Variants in PIK3C2G observed in about 807,000 individuals in gnomAD.
The protein encoded by PIK3C2G is phosphatidylinositol 3-kinase C2 domain-containing subunit gamma.
PIK3C2G carries 168 observed loss-of-function variants against 181.1 expected under a neutral mutation model. That is an observed-to-expected ratio of 0.93 (90% confidence interval 0.82 to 1.05). The LOEUF is 1.05. Ranked by LOEUF, PIK3C2G falls within the 50% of genes least tolerant of loss-of-function variation. The pLI is 0.00. For missense variants in PIK3C2G, 1,869 were observed against 1,732.8 expected, an observed-to-expected ratio of 1.08 and a Z score of -1.40; for synonymous variants, 573 against 592.2, an observed-to-expected ratio of 0.97 and a Z score of 0.47.
intron 16 of PIK3C2G, among the ~76,000 whole-genome samples, chr12:18,412,208 A>T: frequency 6.6e-6 from 1 of 152,148 alleles, no homozygotes; most frequent in Admixed American, 6.6e-5. Flanking sequence ...GAGAAAACAC[A>T]GGCTGAGAAA....
chr12:18,263,262 A>T (rs1398848429), intron 1 of PIK3C2G, among the ~76,000 whole-genome samples: 1 of 152,068 alleles, frequency 6.6e-6, no homozygotes, highest in Non-Finnish European at 1.5e-5. Context: ...TCTGTAAGTT[A>T]TCTTATTTTT....
chr12:18,649,459 A>G (rs915637340), downstream of PIK3C2G, among the ~76,000 whole-genome samples: 3 of 152,128 alleles, frequency 2.0e-5, no homozygotes, highest in Non-Finnish European at 2.9e-5. Context: ...CTAATGGATA[A>G]TTCTGGACAC....
chr12:18,340,686 A>G (rs983847756), intron 9 of PIK3C2G, among the ~76,000 whole-genome samples: 1 of 152,218 alleles, frequency 6.6e-6, no homozygotes, highest in Admixed American at 6.5e-5. Context: ...TCCTGTGGAA[A>G]ACTAATTCAC....
intron 18 of PIK3C2G, among the ~76,000 whole-genome samples, chr12:18,437,782 C>T (rs1449081644): frequency 6.6e-6 from 1 of 151,858 alleles, no homozygotes; most frequent in Non-Finnish European, 1.5e-5. Flanking sequence ...GAAAATTACA[C>T]AAGACAGTCT....
At chr12:18,375,671 T>C (rs1942384348) in intron 13 of PIK3C2G, among the ~76,000 whole-genome samples, 3 of 151,854 alleles carry the variant, frequency 2.0e-5, no homozygotes, top group Non-Finnish European at 1.5e-5. Context: ...GCCAAGAAAA[T>C]GTGAAAAAGG....
At position 18,375,770 on chromosome 12, in the gene PIK3C2G, C is replaced by G. The variant is rs191541224; in HGVS notation, c.1880+4459C>G. On this transcript the variant is annotated intron_variant, in intron 13 of 32. Transcript: ENST00000538779. ...GGAAAGAATGGTTTCTGGGGCCAGG[C>G]CCAGGGGCTTGCTGCCCTGTGCAGC... 4.6e-5 allele frequency among the ~76,000 whole-genome samples: 7 copies of G among 152,306 alleles called. No individual in the cohort carries two copies. The East Asian group carries it at 1.4e-3, about 29-fold the overall frequency.
At chr12:18,726,483 A>G in the PIK3C2G span, among the ~76,000 whole-genome samples, 10 of 152,254 alleles carry the variant, frequency 6.6e-5, no homozygotes, top group African/African-American at 2.2e-4. Context: ...TTTATTCCCA[A>G]TGCCTACTAC....
intron 2 of PIK3C2G, 114 bp from the exon 3 acceptor site, chr12:18,286,733 T>TA (rs1949461566): frequency 3.0e-5 from 18 of 600,344 alleles, no homozygotes; most frequent in Admixed American, 7.0e-5. Flanking sequence ...TTAAAAAATC[T>TA]AAAAAAAATT....
At position 18,509,411 on chromosome 12, in the gene PIK3C2G, A is replaced by C. The variant is rs374023131; in HGVS notation, c.3323+3950A>C. On this transcript the variant is annotated intron_variant, in intron 24 of 32. Coordinates refer to ENST00000538779, the MANE Select transcript of PIK3C2G (RefSeq NM_001288772.2). ...TATTAACTAACACAGCAAAGAGGTGATATAAGAAGGATCTTGAGAAAAAAA... is the reference window on the plus strand; with the variant it reads ...TATTAACTAACACAGCAAAGAGGTGCTATAAGAAGGATCTTGAGAAAAAAA... Among the ~76,000 whole-genome samples the C allele has an allele frequency of 9.8e-5, 15 of 152,336 alleles. No individual in the cohort carries two copies. The East Asian group carries it at 1.2e-3, about 12-fold the overall frequency.
chr12:18,695,840 C>A, the PIK3C2G span, among the ~76,000 whole-genome samples: 22,136 of 152,056 alleles, frequency 0.15, 1,718 homozygotes, highest in Middle Eastern at 0.18. Flanking sequence ...ATACCTCAAG[C>A]AAAGGAATTT....
rs929106880 is a variant in PIK3C2G, at chr12:18,470,841, A to G, written c.2505-17608A>G. Among the ~76,000 whole-genome samples, 5 of 152,326 alleles carry G rather than the reference A, an allele frequency of 3.3e-5. No homozygotes were observed. The South Asian group carries it at 1.0e-3, about 32-fold the overall frequency. ...AGTTCACATCAACAGGAGAATGTGT[A>G]GTTTCAAAAATCAAAATTAAATATT... On this transcript the variant is annotated intron_variant, in intron 18 of 32. Transcript: ENST00000538779.
upstream of PIK3C2G, among the ~76,000 whole-genome samples, chr12:18,257,776 AAAAGAAAGAAAGAG>A (rs1781167841): frequency 1.3e-5 from 2 of 151,454 alleles, no homozygotes; most frequent in Non-Finnish European, 3.0e-5. Flanking sequence ...AAGAAGAAGA[AAAAGAAAGAAAGAG>A]AAAGAAAGAA....
At chr12:18,609,366 C>T (rs894960983) in intron 30 of PIK3C2G, among the ~76,000 whole-genome samples, 169 bp from the exon 31 acceptor site, 1 of 152,108 alleles carries the variant, frequency 6.6e-6, no homozygotes, top group Admixed American at 6.6e-5. Context: ...CAAATCCCAT[C>T]TCTATGTAAC....
intron 10 of PIK3C2G, among the ~76,000 whole-genome samples, chr12:18,346,260 G>C (rs1939661593): frequency 6.6e-6 from 1 of 152,146 alleles, no homozygotes. Flanking sequence ...GATGGAATTT[G>C]TTTGATGTAC....
intron 15 of PIK3C2G, among the ~76,000 whole-genome samples, chr12:18,399,356 AT>A (rs1490637335): frequency 6.6e-6 from 1 of 151,478 alleles, no homozygotes; most frequent in Non-Finnish European, 1.5e-5. Flanking sequence ...GAGGAGAGAG[AT>A]TTTGCCAACC....
intron 6 of PIK3C2G, among the ~76,000 whole-genome samples, chr12:18,315,068 T>C (rs1436399778): frequency 6.6e-6 from 1 of 152,156 alleles, no homozygotes; most frequent in Non-Finnish European, 1.5e-5. Context: ...ATCTTCAAAT[T>C]ACTTGCTTTA....
chr12:18,399,558 A>G (rs1288343202), intron 15 of PIK3C2G, 101 bp from the exon 16 acceptor site: 2 of 572,656 alleles, frequency 3.5e-6, no homozygotes, highest in Non-Finnish European at 5.8e-6. Flanking sequence ...ACTAAAATAA[A>G]ATTCAAAGAA....
chr12:18,708,456 T>G, the PIK3C2G span, among the ~76,000 whole-genome samples: 1 of 152,236 alleles, frequency 6.6e-6, no homozygotes, highest in Non-Finnish European at 1.5e-5. Context: ...TTGTGAACAA[T>G]TCTACAGTGA....
At chr12:18,304,252 T>C (rs1950326171) in intron 5 of PIK3C2G, among the ~76,000 whole-genome samples, 1 of 152,196 alleles carries the variant, frequency 6.6e-6, no homozygotes, top group Admixed American at 6.5e-5. Flanking sequence ...TGACAATTTA[T>C]ATTAATTTGT....
Sources: allele counts gnomAD v4.1 joint callset (sites outside exome capture counted in the v4.1 genomes callset), GRCh38; gene constraint gnomAD v4.1.1; transcripts MANE v1.5; gene names NCBI Gene and HGNC (gene_info 2026-07-23, HGNC 2026-07-21).